Variants in TENM2 observed in about 807,000 individuals in gnomAD.
TENM2 encodes the protein teneurin transmembrane protein 2.
TENM2 carries 52 observed loss-of-function variants against 245.2 expected under a neutral mutation model. That is an observed-to-expected ratio of 0.21 (90% CI 0.17 to 0.27). TENM2 has a LOEUF of 0.27. Among genes scored for constraint, TENM2 ranks in the 10% least tolerant of loss-of-function variants. TENM2 has a pLI of 1.00. For synonymous variants in TENM2, 1,363 were observed against 1,438.9 expected, an observed-to-expected ratio of 0.95 and a Z score of 1.19; for missense variants, 3,046 against 3,666.8, an observed-to-expected ratio of 0.83 and a Z score of 4.37.
chr5:167,899,449 A>G (rs1775511715), intron 3 of TENM2, among the ~76,000 whole-genome samples: 4 of 152,230 alleles, frequency 2.6e-5, no homozygotes, highest in Admixed American at 6.5e-5. Context: ...GGTGTTCACA[A>G]TGGATTTATC....
intron 2 of TENM2, among the ~76,000 whole-genome samples, chr5:167,612,316 A>G (rs1777527618): frequency 1.3e-5 from 2 of 152,108 alleles, no homozygotes; most frequent in South Asian, 4.1e-4. Flanking sequence ...TTCCATCAAG[A>G]CACGCATTTC....
At chr5:168,230,135 G>GTCTT (rs1764713734) in intron 25 of TENM2, among the ~76,000 whole-genome samples, 1 of 152,102 alleles carries the variant, frequency 6.6e-6, no homozygotes, top group Non-Finnish European at 1.5e-5. Flanking sequence ...AGGCACACAA[G>GTCTT]TCTTATAACT....
chr5:167,994,384 C>T (rs1040290097), intron 5 of TENM2, among the ~76,000 whole-genome samples: 12 of 152,240 alleles, frequency 7.9e-5, no homozygotes, highest in Non-Finnish European at 1.0e-4. Context: ...GGGGCTCCCA[C>T]ACTTCCTTCA....
chr5:167,285,013 A>G, exon 1 of TENM2: 1 of 1,552,092 alleles, frequency 6.4e-7, no homozygotes, highest in South Asian at 1.2e-5. Flanking sequence ...CACTATGGAA[A>G]CCGAGTCACA....
At chr5:168,122,601 C>G (rs73387348) in intron 10 of TENM2, among the ~76,000 whole-genome samples, 7,480 of 152,092 alleles carry the variant, frequency 0.049, 463 homozygotes, top group African/African-American at 0.15. Flanking sequence ...TTATACTCCC[C>G]GAGACAATGA....
chr5:167,492,420 A>G (rs1768489826), intron 2 of TENM2, among the ~76,000 whole-genome samples: 1 of 152,228 alleles, frequency 6.6e-6, no homozygotes, highest in East Asian at 1.9e-4. Flanking sequence ...ACAATAAGAT[A>G]ATGCATGCGA....
rs192396910 is a variant in TENM2 at position 167,568,425 on chromosome 5, T to C, written c.502+192952T>C. On this transcript the variant is annotated intron_variant, in intron 2 of 28. Coordinates refer to ENST00000518659, the Ensembl canonical transcript of TENM2. ...CTCATTCATGTATCAGACCCACATA[T>C]ACTGAACACTCACCATGTGTTAGGC... Among the ~76,000 whole-genome samples the C allele has an allele frequency of 2.0e-5, 3 of 152,212 alleles. No homozygotes were observed. In the East Asian group the frequency reaches 5.8e-4, roughly 29 times the overall value.
At chr5:168,045,796 C>T (rs532216555) in intron 5 of TENM2, among the ~76,000 whole-genome samples, 16 of 152,188 alleles carry the variant, frequency 1.1e-4, no homozygotes, top group Non-Finnish European at 1.9e-4. Flanking sequence ...CTATCGTTAT[C>T]TTGAAGCCAC....
chr5:167,244,439 T>G, the TENM2 span, among the ~76,000 whole-genome samples: 5 of 152,200 alleles, frequency 3.3e-5, no homozygotes, highest in Admixed American at 3.3e-4. Context: ...GCATCAACAA[T>G]GTGGAAATGC....
chr5:167,801,911 C>CACAT (rs1188782892), intron 2 of TENM2, among the ~76,000 whole-genome samples: 1 of 151,320 alleles, frequency 6.6e-6, no homozygotes, highest in Non-Finnish European at 1.5e-5. Context: ...CACAGACACA[C>CACAT]ACACACACAC....
chr5:167,678,323 G>A (rs868032976), intron 2 of TENM2, among the ~76,000 whole-genome samples: 47 of 152,042 alleles, frequency 3.1e-4, no homozygotes, highest in Admixed American at 8.5e-4. Context: ...TTGTTATCAC[G>A]TATAACAGAT....
the TENM2 span, among the ~76,000 whole-genome samples, chr5:167,224,618 G>A: frequency 6.6e-6 from 1 of 152,004 alleles, no homozygotes; most frequent in Non-Finnish European, 1.5e-5. Flanking sequence ...GAGCCTGGTA[G>A]TGTGATGTCT....
At chr5:167,147,833 A>G in the TENM2 span, among the ~76,000 whole-genome samples, 3 of 152,142 alleles carry the variant, frequency 2.0e-5, no homozygotes, top group South Asian at 4.1e-4. Context: ...TTTTTTTCTC[A>G]GGATAAACAC....
At chr5:167,962,294 GAAA>G (rs11324621) in intron 4 of TENM2, among the ~76,000 whole-genome samples, 3 of 140,198 alleles carry the variant, frequency 2.1e-5, no homozygotes, top group African/African-American at 7.7e-5. Flanking sequence ...CCATCAAAAG[GAAA>G]AAAAAAAAAA....
the TENM2 span, among the ~76,000 whole-genome samples, chr5:167,272,130 CAG>C: frequency 1.3e-5 from 2 of 152,178 alleles, no homozygotes; most frequent in Non-Finnish European, 1.5e-5. Context: ...AGGAGGCAGA[CAG>C]ACTCCAGCTT....
At chr5:167,225,463 A>C in the TENM2 span, among the ~76,000 whole-genome samples, 1 of 151,898 alleles carries the variant, frequency 6.6e-6, no homozygotes, top group African/African-American at 2.4e-5. Context: ...TGATGTATTA[A>C]GTTTATTGAT....
chr5:168,217,725 T>C (rs1763322740), intron 22 of TENM2, among the ~76,000 whole-genome samples: 1 of 152,216 alleles, frequency 6.6e-6, no homozygotes, highest in African/African-American at 2.4e-5. Context: ...GTGCCGCCTC[T>C]AAATGTACAT....
chr5:167,782,204 T>A (rs1764231275), intron 2 of TENM2, among the ~76,000 whole-genome samples: 2 of 146,488 alleles, frequency 1.4e-5, no homozygotes, highest in South Asian at 4.3e-4. Flanking sequence ...TCCCAGCTAC[T>A]CGGGAGGCTG....
intron 20 of TENM2, among the ~76,000 whole-genome samples, chr5:168,212,929 T>C (rs1762899481): frequency 6.6e-6 from 1 of 152,210 alleles, no homozygotes; most frequent in Non-Finnish European, 1.5e-5. Context: ...CACCACTGCC[T>C]GCTCTTCTGC....
Sources: allele counts gnomAD v4.1 joint callset (sites outside exome capture counted in the v4.1 genomes callset), GRCh38; gene constraint gnomAD v4.1.1; transcripts MANE v1.5; gene names NCBI Gene and HGNC (gene_info 2026-07-23, HGNC 2026-07-21).